The following ENAH variants were observed in gnomAD, a reference collection of about 807,000 sequenced individuals.
ENAH encodes ENAH actin regulator.
A neutral mutation model predicts 78.7 loss-of-function variants in ENAH; 23 were observed. The ratio of observed to expected loss-of-function variants is 0.29; its 90% CI spans 0.21 to 0.41. ENAH has a LOEUF of 0.41. Ranked by LOEUF, ENAH falls within the 10% of genes least tolerant of loss-of-function variation. The probability of loss-of-function intolerance (pLI) is 1.00; values close to 1 mark genes in which losing one functional copy is unlikely to be tolerated. For synonymous variants in ENAH, 226 were observed against 241.0 expected (o/e 0.94, Z 0.58); for missense variants, 544 against 691.0 (o/e 0.79, Z 2.39).
intron 3 of ENAH, 52 bp from the exon 4 acceptor site, chr1:225,530,690 A>G: frequency 1.5e-6 from 2 of 1,329,532 alleles, no homozygotes; most frequent in South Asian, 1.2e-5. Context: ...ATCTAGCTGG[A>G]CAGAGGAGAT....
At chr1:225,519,880 T>C (rs1045947743) in intron 4 of ENAH, among the ~76,000 whole-genome samples, 1 of 152,248 alleles carries the variant, frequency 6.6e-6, no homozygotes, top group African/African-American at 2.4e-5. Context: ...AATAACCAAG[T>C]CATTATTTTA....
intron 4 of ENAH, among the ~76,000 whole-genome samples, chr1:225,521,856 T>C (rs1438589734): frequency 6.6e-6 from 1 of 151,886 alleles, no homozygotes; most frequent in Non-Finnish European, 1.5e-5. Context: ...AGTACAGCCA[T>C]GCAATCTTGG....
chr1:225,597,118 T>C (rs1016393873), intron 1 of ENAH, among the ~76,000 whole-genome samples: 3 of 152,174 alleles, frequency 2.0e-5, no homozygotes, highest in Admixed American at 6.5e-5. Context: ...GTAGGACGTA[T>C]ACCCAAAATA....
At chr1:225,516,613 C>A (rs865878111) in intron 6 of ENAH, among the ~76,000 whole-genome samples, 1 of 152,162 alleles carries the variant, frequency 6.6e-6, no homozygotes, top group Non-Finnish European at 1.5e-5. Flanking sequence ...GGTGCTCACA[C>A]TTGTAATCCT....
chr1:225,582,434 G>A (rs2096823751), intron 1 of ENAH, among the ~76,000 whole-genome samples: 1 of 151,832 alleles, frequency 6.6e-6, no homozygotes, highest in South Asian at 2.1e-4. Flanking sequence ...GAATAATACG[G>A]GGAGAGTTCT....
chr1:225,590,539 T>C (rs1333387005), intron 1 of ENAH, among the ~76,000 whole-genome samples: 1 of 152,190 alleles, frequency 6.6e-6, no homozygotes, highest in Non-Finnish European at 1.5e-5. Flanking sequence ...CAGCTGCCTA[T>C]TATGTGTTTC....
In ENAH at chr1:225,554,891, C is replaced by A. The variant is rs996654479; in HGVS notation, c.349+15G>T. 1 of 1,500,222 alleles carries A rather than the reference C, an allele frequency of 6.7e-7. No homozygotes were observed. The highest frequency in any genetic ancestry group is 1.4e-5 in the African/African-American group (1 of 73,304). The allele number at this position is 1,500,222 out of a possible 1,614,324, so 92.9% of individuals were successfully genotyped here. A position where few individuals can be genotyped will look rare whatever the true frequency, so the allele number is the denominator to read the frequency against. The stretch of plus-strand genomic sequence containing the variant: ...GAAAAAGAAAGAAAATACAAATAAA[C>A]CATGGGCACCTTACCTGTTTCCTGT... On this transcript the variant is annotated intron_variant, in intron 3 of 13. Coordinates refer to ENST00000366843, the MANE Select transcript of ENAH (RefSeq NM_018212.6).
rs537174839 is a variant in ENAH, at chr1:225,497,532, A to C, written c.*243T>G. On this transcript the variant is annotated 3_prime_UTR_variant, in exon 14 of 14. Transcript: ENST00000366843. ...CTGCATAACTGTTACAGGAACTCTT[A>C]AATGATTCTCTTCCATTCTGTTGTA... 2 of 345,186 alleles carry C rather than the reference A, an allele frequency of 5.8e-6. No homozygotes were observed. The highest frequency in any genetic ancestry group is 1.9e-4 in the South Asian group (2 of 10,762). The allele number at this position is 345,186 out of a possible 1,614,324, so 21.4% of individuals were successfully genotyped here. A position where few individuals can be genotyped will look rare whatever the true frequency, so the allele number is the denominator to read the frequency against.
chr1:225,512,439 C>T (rs1024120607), intron 9 of ENAH, among the ~76,000 whole-genome samples: 1 of 152,180 alleles, frequency 6.6e-6, no homozygotes, highest in African/African-American at 2.4e-5. Context: ...CAATGCTTTT[C>T]CCATAATTTC....
intron 2 of ENAH, among the ~76,000 whole-genome samples, chr1:225,557,259 GATTT>G (rs1448185221): frequency 2.0e-5 from 3 of 152,094 alleles, no homozygotes; most frequent in Non-Finnish European, 4.4e-5. Flanking sequence ...TCTTTCATTA[GATTT>G]ATTATTTTCT....
At chr1:225,517,094 C>T in intron 6 of ENAH, 102 bp downstream of exon 6, 1 of 924,564 alleles carries the variant, frequency 1.1e-6, no homozygotes, top group East Asian at 2.8e-5. Flanking sequence ...TATAAATGTT[C>T]AAGGATCAAA....
chr1:225,558,534 C>T lies in ENAH; in HGVS notation c.172-3451G>A, dbSNP rs998488730. Among the ~76,000 whole-genome samples, 9 of 149,422 alleles carry T rather than the reference C, an allele frequency of 6.0e-5. No individual in the cohort carries two copies. The East Asian group carries it at 1.9e-3, about 31-fold the overall frequency. Reference sequence around the variant, plus strand: ...CCCTTCTTTCTTCATAATGGTTAAACCATTTTTTTTTTCAAGAGCTGTCCC... The same window carrying T: ...CCCTTCTTTCTTCATAATGGTTAAATCATTTTTTTTTTCAAGAGCTGTCCC... On this transcript the variant is annotated intron_variant, in intron 2 of 13. Transcript: ENST00000366843.
chr1:225,590,292 T>C (rs75466953), intron 1 of ENAH, among the ~76,000 whole-genome samples: 6,518 of 152,032 alleles, frequency 0.043, 228 homozygotes, highest in South Asian at 0.11. Flanking sequence ...TCAGCCAACA[T>C]GGTGAGACGC....
chr1:225,615,609 C>A (rs192187959), intron 1 of ENAH, among the ~76,000 whole-genome samples: 2,359 of 151,840 alleles, frequency 0.016, 70 homozygotes, highest in African/African-American at 0.053. Flanking sequence ...AGCGTCTCTG[C>A]CCGGCCGCCC....
chr1:225,622,947 CAT>C (rs1340755380), intron 1 of ENAH, among the ~76,000 whole-genome samples: 2 of 152,144 alleles, frequency 1.3e-5, no homozygotes, highest in African/African-American at 2.4e-5. Context: ...AGGGATAAGA[CAT>C]AAAGAGAAAT....
chr1:225,539,215 C>T (rs1340007978), intron 3 of ENAH, among the ~76,000 whole-genome samples: 2 of 152,106 alleles, frequency 1.3e-5, no homozygotes, highest in Non-Finnish European at 2.9e-5. Flanking sequence ...TTTCTCTCTC[C>T]AAACTCTCTC....
intron 3 of ENAH, among the ~76,000 whole-genome samples, chr1:225,534,434 A>G (rs2096552240): frequency 6.6e-6 from 1 of 151,940 alleles, no homozygotes; most frequent in Admixed American, 6.6e-5. Flanking sequence ...TTTTTATTTT[A>G]AAGAAATTTG....
intron 3 of ENAH, among the ~76,000 whole-genome samples, chr1:225,549,923 T>C (rs1267892534): frequency 6.6e-6 from 1 of 152,164 alleles, no homozygotes; most frequent in African/African-American, 2.4e-5. Flanking sequence ...GCTTGTAAAC[T>C]TGCATGCTCA....
At chr1:225,498,325 G>A in intron 13 of ENAH, 22 bp downstream of exon 13, 1 of 1,561,052 alleles carries the variant, frequency 6.4e-7, no homozygotes, top group Non-Finnish European at 8.8e-7. Flanking sequence ...TATAGGAATA[G>A]TAAATTTGTC....
Sources: gnomAD v4.1 joint callset for allele counts (sites outside exome capture counted in the v4.1 genomes callset) on GRCh38, gnomAD v4.1.1 for gene constraint, MANE v1.5 for transcripts, NCBI Gene and HGNC (gene_info 2026-07-23, HGNC 2026-07-21) for gene names.